Variants in CNPY2 observed in about 807,000 individuals in gnomAD.
The protein encoded by CNPY2 is canopy FGF signaling regulator 2.
Under a neutral mutation model 25.5 loss-of-function variants are expected in CNPY2, and 19 were observed. The ratio of observed to expected loss-of-function variants is 0.74; its 90% confidence interval spans 0.52 to 1.09. CNPY2 has a LOEUF of 1.09. Ranked by LOEUF, CNPY2 falls within the 50% of genes least tolerant of loss-of-function variation. The pLI is 0.00. For synonymous variants in CNPY2, 82 were observed against 85.0 expected, an observed-to-expected ratio of 0.96 and a Z score of 0.19; for missense variants, 214 against 233.6, an observed-to-expected ratio of 0.92 and a Z score of 0.55.
Position 56,310,119 on chromosome 12 carries a change from C to T in CNPY2, c.*433G>A. ...TACTTTATGTTTCAACAGCCATGAA[C>T]ACAAGGGATTTCTAGAATTCTACAC... On this transcript the variant is annotated 3_prime_UTR_variant, in exon 6 of 6. Coordinates refer to ENST00000273308, the MANE Select transcript of CNPY2 (RefSeq NM_014255.7). The T allele has an allele frequency of 1.6e-6, 1 of 633,408 alleles. No individual in the cohort carries two copies. The highest frequency in any genetic ancestry group is 2.8e-6 in the Non-Finnish European group (1 of 356,184). 39.2% of individuals were successfully genotyped at this position (633,408 alleles called of 1,614,324 possible). A position where few individuals can be genotyped will look rare whatever the true frequency, so the allele number is the denominator to read the frequency against.
chr12:56,314,999 C>G, intron 2 of CNPY2, 33 bp from the exon 3 acceptor site: 1 of 1,612,146 alleles, frequency 6.2e-7, no homozygotes, highest in Non-Finnish European at 8.5e-7. Context: ...GAGCAGGGGA[C>G]AGGGTAGGGG....
intron 3 of CNPY2, chr12:56,314,559 A>G: frequency 1.6e-6 from 2 of 1,227,666 alleles, no homozygotes; most frequent in Non-Finnish European, 2.0e-6. Context: ...GGATGTTTGC[A>G]TGTATACCAC....
chr12:56,315,315 C>T (rs1873876496), intron 1 of CNPY2, 73 bp from the exon 2 acceptor site: 3 of 846,284 alleles, frequency 3.5e-6, no homozygotes, highest in Admixed American at 2.5e-5. Context: ...CCAATCCTCA[C>T]CCCAAGGCTT....
chr12:56,316,122 C>G (rs1334455917), upstream of CNPY2: 1 of 152,704 alleles, frequency 6.5e-6, no homozygotes, highest in Non-Finnish European at 1.5e-5. Flanking sequence ...GAGAGGCTCC[C>G]GAACAGCAAG....
In CNPY2 at chr12:56,315,229, T is replaced by C. The variant is rs779302898; in HGVS notation, c.-12A>G. 6.2e-7 allele frequency: 1 copy of C among 1,610,676 alleles called. No homozygotes were observed. The highest frequency in any genetic ancestry group is 8.5e-7 in the Non-Finnish European group (1 of 1,177,136). On this transcript the variant is annotated 5_prime_UTR_variant, in exon 2 of 6. Transcript: ENST00000273308. ...CCCCAGCCTTTCATCTTTAGCGTAATGGGGTCGCTCCACCTGGGTTTGAGT... is the reference window on the plus strand; with the variant it reads ...CCCCAGCCTTTCATCTTTAGCGTAACGGGGTCGCTCCACCTGGGTTTGAGT...
rs1592420943 is a variant in CNPY2 at position 56,311,842 on chromosome 12, G to A, written c.205-428C>T. The A allele has an allele frequency of 1.9e-5, 4 of 212,882 alleles. No homozygotes were observed. The East Asian group carries it at 5.5e-4, about 29-fold the overall frequency. 13.2% of individuals were successfully genotyped at this position (212,882 alleles called of 1,614,324 possible). A position where few individuals can be genotyped will look rare whatever the true frequency, so the allele number is the denominator to read the frequency against. ...GCTGGGATTACAGACGTGAGCCACT[G>A]TGCCTGGCCTAGTGTGGTTTTCATT... On this transcript the variant is annotated intron_variant, in intron 3 of 5. Transcript: ENST00000273308.
upstream of CNPY2, chr12:56,316,281 G>A (rs572958985): frequency 6.5e-6 from 1 of 152,800 alleles, no homozygotes; most frequent in South Asian, 2.1e-4. Flanking sequence ...GCGTGAGCCA[G>A]CCCAGGTGGG....
rs543525883 is a variant in CNPY2, at chr12:56,311,031, G to A, written c.432C>T (p.Tyr144=). The A allele has an allele frequency of 2.4e-5, 39 of 1,614,070 alleles. No individual in the cohort carries two copies. The highest frequency in any genetic ancestry group is 2.7e-5 in the African/African-American group (2 of 75,032). Residue 144 remains tyrosine, a synonymous_variant, in exon 5 of 6, where the codon TAC becomes TAT. Coordinates refer to ENST00000273308, the MANE Select transcript of CNPY2 (RefSeq NM_014255.7). The stretch of plus-strand genomic sequence containing the variant: ...AAAAGAATTCAATGAGTTCATCCTC[G>A]TATTCCTCCACAATGCTCTCACACT... ...KFACESIVEE[Y]EDELIEFFSR...
Position 56,311,329 on chromosome 12 carries a change from T to C in CNPY2, c.290A>G (p.Asp97Gly). ...GTAGTTCTTGCGATGGGTGGAAGGA[T>C]CAATCTGTTCCCCATACTCCTTCAT... ...DRMKEYGEQI[D>G]PSTHRKNYVR... Residue 97 changes from aspartate (D) to glycine (G), a missense_variant, in exon 4 of 6, where the codon GAT becomes GGT. Asp to Gly is a moderately conservative substitution (Grantham distance 94, BLOSUM62 -1). Coordinates refer to ENST00000273308, the MANE Select transcript of CNPY2 (RefSeq NM_014255.7). The C allele has an allele frequency of 6.2e-7, 1 of 1,614,130 alleles. No homozygotes were observed. The highest frequency in any genetic ancestry group is 8.5e-7 in the Non-Finnish European group (1 of 1,180,026).
In CNPY2 at chr12:56,315,206, C is replaced by G; in HGVS notation, c.12G>C (p.Trp4Cys). The G allele has an allele frequency of 6.2e-7, 1 of 1,614,062 alleles. No individual in the cohort carries two copies. Among genetic ancestry groups the G allele is most frequent in the Non-Finnish European group, 8.5e-7 (1 of 1,179,956 alleles). ...CCCCCAGAAGCAGGGCCAGCCAACC[C>G]CAGCCTTTCATCTTTAGCGTAATGG... Reference protein sequence around the residue: MKGWGWLALLLGAL... With the variant: MKGCGWLALLLGAL... The change falls in exon 2 of 6, where the codon TGG (tryptophan) becomes TGC (cysteine). Residue 4 changes from tryptophan (W) to cysteine (C), a missense_variant. Coordinates refer to ENST00000273308, the MANE Select transcript of CNPY2 (RefSeq NM_014255.7).
chr12:56,315,168 G>A lies in CNPY2; in HGVS notation c.50C>T (p.Thr17Ile), dbSNP rs1035096291. Residue 17 changes from threonine to isoleucine, a missense_variant, in exon 2 of 6, where the codon ACC (threonine) becomes ATC (isoleucine). Physicochemically the swap from Thr to Ile is moderately conservative, Grantham distance 89. Transcript: ENST00000273308. ...LALLLGALLG[T>I]AWARRSQDLH... ...ATCCTGGCTCCTCCGAGCCCAGGCG[G>A]TTCCCAGCAGGGCCCCCAGAAGCAG... 2 of 1,613,970 alleles carry A rather than the reference G, an allele frequency of 1.2e-6. No individual in the cohort carries two copies. Among genetic ancestry groups the A allele is most frequent in the South Asian group, 1.1e-5 (1 of 91,056 alleles).
chr12:56,311,443 C>G, intron 3 of CNPY2, 29 bp from the exon 4 acceptor site: 1 of 1,591,310 alleles, frequency 6.3e-7, no homozygotes, highest in Middle Eastern at 1.7e-4. Flanking sequence ...TTGGGTCACT[C>G]TCTTCTACCT....
intron 3 of CNPY2, 110 bp from the exon 4 acceptor site, chr12:56,311,524 T>C: frequency 9.2e-7 from 1 of 1,090,432 alleles, no homozygotes; most frequent in South Asian, 1.3e-5. Flanking sequence ...CTAAAAAGCT[T>C]TCCCTAATTG....
chr12:56,310,180 G>C lies in CNPY2; in HGVS notation c.*372C>G, dbSNP rs903169718. On this transcript the variant is annotated 3_prime_UTR_variant, in exon 6 of 6. Transcript: ENST00000273308. ...TATGTTCCCCTGCTTCCTCATGGAG[G>C]TTCCTCTATTCTCCACAATTAGACT... 1.7e-6 allele frequency: 1 copy of C among 605,930 alleles called. No homozygotes were observed. Among genetic ancestry groups the C allele is most frequent in the African/African-American group, 1.9e-5 (1 of 53,968 alleles). 37.5% of individuals were successfully genotyped at this position (605,930 alleles called of 1,614,324 possible).
At position 56,310,580 on chromosome 12, in the gene CNPY2, G is replaced by T. The variant is rs1344943173; in HGVS notation, c.521C>A (p.Ala174Asp). ...CSKRTDLCDH[A>D]LHISHDEL ...TAGCTCATCATGCGATATGTGCAGG[G>T]CATGGTCACAAAGATCTGCAAATGG... Residue 174 changes from alanine to aspartate, a missense_variant, in exon 6 of 6, where the codon GCC becomes GAC. Ala to Asp is a moderately radical substitution (Grantham distance 126). Coordinates refer to ENST00000273308, the MANE Select transcript of CNPY2 (RefSeq NM_014255.7). 6.2e-7 allele frequency: 1 copy of T among 1,614,180 alleles called. No homozygotes were observed. Among genetic ancestry groups the T allele is most frequent in the Non-Finnish European group, 8.5e-7 (1 of 1,180,016 alleles).
At chr12:56,311,100 C>T in intron 4 of CNPY2, 46 bp from the exon 5 acceptor site, 1 of 1,606,750 alleles carries the variant, frequency 6.2e-7, no homozygotes, top group Non-Finnish European at 8.5e-7. Flanking sequence ...AATAAGAGGC[C>T]TCTTGCCTTC....
intron 3 of CNPY2, chr12:56,314,386 A>C: frequency 1.0e-6 from 1 of 975,178 alleles, no homozygotes; most frequent in Non-Finnish European, 1.2e-6. Context: ...TGCCCAGGCT[A>C]GCACTGTAAT....
intron 3 of CNPY2, chr12:56,314,628 T>C: frequency 7.1e-7 from 1 of 1,409,536 alleles, no homozygotes; most frequent in South Asian, 1.5e-5. Context: ...CAGGACTCCC[T>C]GTTTGCTAAC....
chr12:56,313,718 C>T (rs1358094097), intron 3 of CNPY2, among the ~76,000 whole-genome samples: 12 of 150,280 alleles, frequency 8.0e-5, no homozygotes, highest in Admixed American at 6.6e-4. Context: ...CCATTCTTTT[C>T]GTCTCAGCCT....
Sources: allele counts gnomAD v4.1 joint callset (sites outside exome capture counted in the v4.1 genomes callset), GRCh38; gene constraint gnomAD v4.1.1; transcripts MANE v1.5; gene names NCBI Gene and HGNC (gene_info 2026-07-23, HGNC 2026-07-21).